Variants in ZNF451 observed in about 807,000 individuals in gnomAD.
ZNF451 encodes E3 SUMO-protein ligase ZNF451.
In ZNF451, 80 loss-of-function variants were observed where a neutral mutation model predicts 107.1. The ratio of observed to expected loss-of-function variants is 0.75; its 90% CI spans 0.62 to 0.90. The LOEUF (loss-of-function observed/expected upper bound fraction) is 0.90, where lower values mean the gene tolerates loss of function less well. ZNF451 is among the 40% of genes least tolerant of loss of function. ZNF451 has a pLI of 0.00. For synonymous variants in ZNF451, 362 were observed against 406.5 expected, an observed-to-expected ratio of 0.89 and a Z score of 1.32; for missense variants, 1,107 against 1,236.2, an observed-to-expected ratio of 0.90 and a Z score of 1.57.
chr6:57,099,371 C>G (rs1021688083), intron 3 of ZNF451: 2 of 669,536 alleles, frequency 3.0e-6, no homozygotes, highest in African/African-American at 3.7e-5. Context: ...CTGGGAAATT[C>G]AGAGCCTTAG....
chr6:57,107,850 T>C, intron 3 of ZNF451: 1 of 978,020 alleles, frequency 1.0e-6, no homozygotes, highest in Non-Finnish European at 1.2e-6. Context: ...TTTTTTTTTT[T>C]TTTTTTGAGA....
At chr6:57,104,095 T>C in intron 3 of ZNF451, 1 of 984,564 alleles carries the variant, frequency 1.0e-6, no homozygotes, top group Non-Finnish European at 1.2e-6. Context: ...ATCTTATTTT[T>C]CTGTATTTTA....
intron 3 of ZNF451, chr6:57,103,599 G>A (rs1829708676): frequency 4.1e-6 from 4 of 985,228 alleles, no homozygotes; most frequent in Admixed American, 6.2e-5. Flanking sequence ...TCAAATTTGA[G>A]GGGTCTGAAT....
intron 13 of ZNF451, among the ~76,000 whole-genome samples, chr6:57,160,541 C>T (rs1296566584): frequency 3.3e-5 from 5 of 151,996 alleles, no homozygotes; most frequent in African/African-American, 1.2e-4. Flanking sequence ...TGCTGTGTTG[C>T]CCAGGCTGGT....
intron 2 of ZNF451, chr6:57,092,984 A>G (rs1035348110): frequency 6.6e-6 from 1 of 152,242 alleles, no homozygotes; most frequent in Admixed American, 6.5e-5. Context: ...GCAAAGCCTC[A>G]TACATCTATG....
rs1247379305 is a variant in ZNF451, at chr6:57,108,060, A to C, written c.186+8919A>C. ...TCACCGTGTTAGTCCAGGTGGTCTC[A>C]ATCTCCTGAACCTTGTGATCCACCT... On this transcript the variant is annotated intron_variant, in intron 3 of 14. Transcript: ENST00000370706. 5.6e-6 allele frequency: 4 copies of C among 710,372 alleles called. No individual in the cohort carries two copies. In the African/African-American group the frequency reaches 7.7e-5, roughly 14 times the overall value. The allele number at this position is 710,372 out of a possible 1,614,324, so 44.0% of individuals were successfully genotyped here.
chr6:57,133,068 G>A lies in ZNF451; in HGVS notation c.451G>A (p.Gly151Arg). 6.8e-6 allele frequency: 11 copies of A among 1,614,056 alleles called. No individual in the cohort carries two copies. Among genetic ancestry groups the A allele is most frequent in the Non-Finnish European group, 9.3e-6 (11 of 1,179,986 alleles). ...PGLKTGTINC[G>R]TKSSFRRGGH... Reference sequence around the variant, plus strand: ...ACTCAAAACAGGCACAATTAATTGTGGAACAAAAAGTTCATTCCGAAGAGG... The same window carrying A: ...ACTCAAAACAGGCACAATTAATTGTAGAACAAAAAGTTCATTCCGAAGAGG... The change falls in exon 6 of 15, where the codon GGA becomes AGA. Residue 151 changes from glycine (G) to arginine (R), a missense_variant. This residue lies in a region of ZNF451 where 339 missense variants were observed against 372.8 expected (regional missense o/e 0.91). Transcript: ENST00000370706.
chr6:57,129,942 T>C (rs1290350084), intron 5 of ZNF451, among the ~76,000 whole-genome samples: 2 of 152,192 alleles, frequency 1.3e-5, no homozygotes, highest in African/African-American at 4.8e-5. Context: ...AGATTTATTC[T>C]ATATAAGTTT....
Position 57,150,802 on chromosome 6 carries a change from A to G in ZNF451, c.2692A>G (p.Asn898Asp), listed in dbSNP as rs1032750304. 6.2e-7 allele frequency: 1 copy of G among 1,614,090 alleles called. No homozygotes were observed. The highest frequency in any genetic ancestry group is 1.7e-5 in the Admixed American group (1 of 60,020). The stretch of plus-strand genomic sequence containing the variant: ...CTTTGTAGATTTTGATAACTGGTCA[A>G]ACTTTTTTGGTCATCTACCAGGGCA... ...IVFVDFDNWS[N>D]FFGHLPGHLN... The change falls in exon 11 of 15, where the codon AAC (asparagine) becomes GAC (aspartate). Residue 898 changes from asparagine (N) to aspartate (D), a missense_variant. Transcript: ENST00000370706.
At chr6:57,128,959 T>C in intron 5 of ZNF451, 119 bp downstream of exon 5, 1 of 657,292 alleles carries the variant, frequency 1.5e-6, no homozygotes, top group East Asian at 3.0e-5. Context: ...GTTTCAGTGA[T>C]ACTAATATCA....
chr6:57,154,249 A>T, intron 13 of ZNF451: 1 of 606,760 alleles, frequency 1.6e-6, no homozygotes, highest in Non-Finnish European at 2.9e-6. Context: ...ATTCATAATA[A>T]TTTTCTGGAG....
Position 57,150,993 on chromosome 6 carries a change from A to ATAGT in ZNF451, c.2752+134_2752+137dup, listed in dbSNP as rs554248431. On this transcript the variant is annotated intron_variant, in intron 11 of 14. Coordinates refer to ENST00000370706, the MANE Select transcript of ZNF451 (RefSeq NM_001031623.3). ...AATTGGAATATTGTTCTTTTGTATT[A>ATAGT]TAGTTACTCTGCTAGAATCGTTTTC... 1.3e-4 allele frequency: 146 copies of ATAGT among 1,085,214 alleles called. 1 individual carries two copies. In the African/African-American group the frequency reaches 2.1e-3, roughly 15 times the overall value. The allele number at this position is 1,085,214 out of a possible 1,614,324, so 67.2% of individuals were successfully genotyped here.
intron 3 of ZNF451, among the ~76,000 whole-genome samples, chr6:57,123,104 G>C (rs1026543299): frequency 6.6e-6 from 1 of 152,138 alleles, no homozygotes; most frequent in Non-Finnish European, 1.5e-5. Flanking sequence ...GCAGGTCAGG[G>C]CTGCGGTGAG....
At chr6:57,168,366 A>G (rs1052250556) in intron 14 of ZNF451, 57 bp from the exon 15 acceptor site, 43 of 1,202,620 alleles carry the variant, frequency 3.6e-5, no homozygotes, top group Non-Finnish European at 3.0e-5. Context: ...TTAAATAAAT[A>G]CAGCACATGT....
intron 3 of ZNF451, chr6:57,105,693 A>T (rs1829820695): frequency 1.0e-6 from 1 of 985,222 alleles, no homozygotes; most frequent in Non-Finnish European, 1.2e-6. Context: ...TTCTATAGAT[A>T]TGCTCTAGGT....
chr6:57,159,233 A>C, intron 13 of ZNF451: 1 of 985,448 alleles, frequency 1.0e-6, no homozygotes, highest in Non-Finnish European at 1.2e-6. Flanking sequence ...TAATATTTGC[A>C]ACCCCATGTC....
intron 2 of ZNF451, chr6:57,093,039 ACTT>A (rs1446101875): frequency 1.4e-4 from 22 of 152,262 alleles, no homozygotes; most frequent in African/African-American, 4.6e-4. Flanking sequence ...CATAACAAAA[ACTT>A]CTTATTTAGG....
At chr6:57,148,875 C>T (rs1014888693) in intron 10 of ZNF451, among the ~76,000 whole-genome samples, 182 bp downstream of exon 10, 10 of 151,984 alleles carry the variant, frequency 6.6e-5, no homozygotes, top group Admixed American at 3.3e-4. Flanking sequence ...TCTAAACTTA[C>T]GAGGACAGAG....
At chr6:57,162,858 G>C (rs903182341) in intron 14 of ZNF451, among the ~76,000 whole-genome samples, 31 of 152,098 alleles carry the variant, frequency 2.0e-4, no homozygotes, top group African/African-American at 7.2e-4. Flanking sequence ...AGGTGGAGAT[G>C]TTACATTTTT....
Sources: allele counts gnomAD v4.1 joint callset (sites outside exome capture counted in the v4.1 genomes callset), GRCh38; gene constraint gnomAD v4.1.1; regional missense constraint gnomAD v4.1.1; transcripts MANE v1.5; gene names NCBI Gene and HGNC (gene_info 2026-07-23, HGNC 2026-07-21).